Variants in EPSTI1 observed in about 807,000 individuals in gnomAD.
EPSTI1 encodes epithelial stromal interaction 1, also known as epithelial-stromal interaction protein 1.
EPSTI1 carries 66 observed loss-of-function variants against 49.9 expected under a neutral mutation model. The ratio of observed to expected loss-of-function variants is 1.32; its 90% CI spans 1.08 to 1.62. EPSTI1 has a LOEUF of 1.62. EPSTI1 is among the 40% of genes most tolerant of loss of function. The pLI, the probability that EPSTI1 is intolerant of heterozygous loss-of-function variation, is 0.00. For synonymous variants in EPSTI1, 137 were observed against 130.7 expected, an observed-to-expected ratio of 1.05 and a Z score of -0.33; for missense variants, 394 against 365.5, an observed-to-expected ratio of 1.08 and a Z score of -0.64.
At chr13:42,953,023 A>C (rs1219440497) in intron 6 of EPSTI1, among the ~76,000 whole-genome samples, 1 of 152,204 alleles carries the variant, frequency 6.6e-6, no homozygotes, top group African/African-American at 2.4e-5. Context: ...AACAGGCGGC[A>C]GGCAGTGAAT....
rs191294258 is a variant in EPSTI1, at chr13:42,927,933, T to C, written c.564-1504A>G. 7.2e-5 allele frequency among the ~76,000 whole-genome samples: 11 copies of C among 152,218 alleles called. No individual in the cohort carries two copies. The East Asian group carries it at 2.1e-3, about 29-fold the overall frequency. ...AATATCCTAAGCCAAGTGCAGGCCA[T>C]AGGAGAAAGCAGTGAAAAAGAAACA... On this transcript the variant is annotated intron_variant, in intron 6 of 10. Transcript: ENST00000313624.
chr13:42,911,244 AGTGTGT>A (rs372327588), intron 8 of EPSTI1, among the ~76,000 whole-genome samples: 132 of 147,148 alleles, frequency 9.0e-4, no homozygotes, highest in African/African-American at 3.2e-3. Context: ...AGAGAGAGAG[AGTGTGT>A]GTGTGTGTGT....
At chr13:42,973,479 T>C (rs995395695) in intron 1 of EPSTI1, among the ~76,000 whole-genome samples, 2 of 152,200 alleles carry the variant, frequency 1.3e-5, no homozygotes, top group East Asian at 3.8e-4. Context: ...GTTATAATAG[T>C]CCCAAGAAAG....
intron 6 of EPSTI1, among the ~76,000 whole-genome samples, chr13:42,942,728 C>CCGGACTG (rs2038796145): frequency 8.1e-6 from 1 of 123,034 alleles, no homozygotes; most frequent in African/African-American, 3.1e-5. Flanking sequence ...GTCGCCCAGG[C>CCGGACTG]CGGACTGCAG....
At chr13:42,889,470 T>C (rs1246451368) in intron 10 of EPSTI1, among the ~76,000 whole-genome samples, 1 of 152,194 alleles carries the variant, frequency 6.6e-6, no homozygotes, top group Non-Finnish European at 1.5e-5. Flanking sequence ...AATTTCTGCC[T>C]TCCTCCTTGT....
At chr13:42,931,527 G>C (rs956825752) in intron 6 of EPSTI1, among the ~76,000 whole-genome samples, 2 of 152,234 alleles carry the variant, frequency 1.3e-5, no homozygotes. Context: ...TTTAATGCCA[G>C]GGGGCGAAAG....
At chr13:42,896,625 C>T (rs943245689) in intron 9 of EPSTI1, among the ~76,000 whole-genome samples, 1 of 152,178 alleles carries the variant, frequency 6.6e-6, no homozygotes, top group African/African-American at 2.4e-5. Context: ...CTCCCACCTT[C>T]CGTAATCTAG....
chr13:42,932,064 C>G (rs2038394098), intron 6 of EPSTI1, among the ~76,000 whole-genome samples: 1 of 152,110 alleles, frequency 6.6e-6, no homozygotes, highest in Non-Finnish European at 1.5e-5. Context: ...ATCAACCTCC[C>G]AAGTAGTTGG....
chr13:42,899,035 T>G (rs1235863925), intron 9 of EPSTI1, among the ~76,000 whole-genome samples: 1 of 151,678 alleles, frequency 6.6e-6, no homozygotes, highest in East Asian at 1.9e-4. Context: ...CCGTCTCCAC[T>G]AAAAATACAA....
intron 9 of EPSTI1, among the ~76,000 whole-genome samples, chr13:42,895,413 A>C (rs942964295): frequency 2.0e-5 from 3 of 152,246 alleles, no homozygotes; most frequent in African/African-American, 7.2e-5. Flanking sequence ...CAGCCCTCAG[A>C]ATCATGCCAG....
chr13:42,973,993 A>T (rs550433966), intron 1 of EPSTI1, among the ~76,000 whole-genome samples: 1 of 152,240 alleles, frequency 6.6e-6, no homozygotes, highest in Admixed American at 6.5e-5. Context: ...AGAACAGACA[A>T]GATAAAATGT....
chr13:42,951,502 G>C (rs939442341), intron 6 of EPSTI1, among the ~76,000 whole-genome samples: 1 of 152,226 alleles, frequency 6.6e-6, no homozygotes, highest in Non-Finnish European at 1.5e-5. Context: ...GAAAGAGCAA[G>C]AGTGAAATGT....
At chr13:42,963,187 T>G in intron 5 of EPSTI1, 68 bp downstream of exon 5, 1 of 1,302,412 alleles carries the variant, frequency 7.7e-7, no homozygotes, top group Non-Finnish European at 1.1e-6. Context: ...GTTACTATAA[T>G]AAAAATCTTC....
At chr13:42,951,166 GA>G (rs140150958) in intron 6 of EPSTI1, among the ~76,000 whole-genome samples, 1 of 151,506 alleles carries the variant, frequency 6.6e-6, no homozygotes, top group Non-Finnish European at 1.5e-5. Flanking sequence ...CCAAAAAAAA[GA>G]AAAAAAATCC....
Position 42,986,365 on chromosome 13 carries a change from G to C in EPSTI1, c.188+5613C>G, listed in dbSNP as rs2040077954. On this transcript the variant is annotated intron_variant, in intron 1 of 10. Coordinates refer to ENST00000313624, the MANE Select transcript of EPSTI1 (RefSeq NM_033255.5). ...CCAGAGTGCTAAGTGTCTTTTTTAT[G>C]CTAATGTCTGTTGGTGAGGTCCCTA... Among the ~76,000 whole-genome samples the C allele has an allele frequency of 2.6e-5, 4 of 151,986 alleles. No homozygotes were observed. The South Asian group carries it at 8.3e-4, about 32-fold the overall frequency.
chr13:42,911,663 C>T (rs183623824), intron 8 of EPSTI1, among the ~76,000 whole-genome samples: 263 of 152,206 alleles, frequency 1.7e-3, no homozygotes, highest in African/African-American at 5.9e-3. Context: ...GTTCTAGTCC[C>T]TCATTTCTAA....
intron 10 of EPSTI1, chr13:42,889,357 A>T: frequency 1.4e-6 from 1 of 691,962 alleles, no homozygotes; most frequent in Non-Finnish European, 2.3e-6. Flanking sequence ...AAAAAATAAA[A>T]ATCAATCCAC....
At chr13:42,897,458 G>A (rs1030723156) in intron 9 of EPSTI1, among the ~76,000 whole-genome samples, 3 of 152,078 alleles carry the variant, frequency 2.0e-5, no homozygotes, top group South Asian at 2.1e-4. Flanking sequence ...CCCTATTCCC[G>A]GAGCCTAGGA....
intron 5 of EPSTI1, among the ~76,000 whole-genome samples, chr13:42,960,826 A>G (rs773254562): frequency 1.7e-4 from 26 of 152,074 alleles, no homozygotes; most frequent in Non-Finnish European, 2.9e-4. Flanking sequence ...TTCTCCTGGT[A>G]TCATCTCTTC....
Sources: gnomAD v4.1 joint callset for allele counts (sites outside exome capture counted in the v4.1 genomes callset) on GRCh38, gnomAD v4.1.1 for gene constraint, MANE v1.5 for transcripts, NCBI Gene and HGNC (gene_info 2026-07-23, HGNC 2026-07-21) for gene names.